TPTE2: variants seen among roughly 807,000 people sequenced by gnomAD.
The protein encoded by TPTE2 is transmembrane phosphoinositide 3-phosphatase and tensin homolog 2.
Under a neutral mutation model 78.6 loss-of-function variants are expected in TPTE2, and 53 were observed. That is an observed-to-expected ratio of 0.67 (90% CI 0.54 to 0.85). The LOEUF is 0.85. TPTE2 is among the 40% of genes least tolerant of loss of function. TPTE2 has a pLI of 0.00. For missense variants in TPTE2, 461 were observed against 623.0 expected (o/e 0.74, Z 2.77); for synonymous variants, 175 against 206.2 (o/e 0.85, Z 1.30).
chr13:19,473,155 C>A (rs1013391892), intron 6 of TPTE2, among the ~76,000 whole-genome samples: 1 of 152,208 alleles, frequency 6.6e-6, no homozygotes, highest in African/African-American at 2.4e-5. Flanking sequence ...TGGGTCAGAC[C>A]TGAGGCCAGC....
intron 10 of TPTE2, among the ~76,000 whole-genome samples, chr13:19,460,113 C>G (rs1878792650): frequency 6.6e-6 from 1 of 152,216 alleles, no homozygotes; most frequent in Non-Finnish European, 1.5e-5. Flanking sequence ...GTGTAAAACT[C>G]CTGGGTTTCT....
chr13:19,483,485 T>G (rs756538983), intron 3 of TPTE2, among the ~76,000 whole-genome samples: 2 of 152,152 alleles, frequency 1.3e-5, no homozygotes. Flanking sequence ...TTCTGTCATA[T>G]CTGTCATGAG....
chr13:19,541,294 A>G (rs1195096811), upstream of TPTE2, among the ~76,000 whole-genome samples: 4 of 152,236 alleles, frequency 2.6e-5, no homozygotes. Flanking sequence ...CTTTTGCCAT[A>G]TAACATGAAC....
intron 10 of TPTE2, among the ~76,000 whole-genome samples, chr13:19,458,218 A>C (rs1184341174): frequency 6.6e-6 from 1 of 152,200 alleles, no homozygotes; most frequent in Non-Finnish European, 1.5e-5. Flanking sequence ...ATATTCAAAA[A>C]CCAAACTTAT....
intron 14 of TPTE2, among the ~76,000 whole-genome samples, chr13:19,437,038 G>GAGACACACACAC (rs1555247890): frequency 6.9e-6 from 1 of 145,904 alleles, no homozygotes; most frequent in Non-Finnish European, 1.5e-5. Context: ...AAACCTAGGA[G>GAGACACACACAC]ACACACACAC....
At chr13:19,520,127 G>T (rs117137128) in intron 1 of TPTE2, among the ~76,000 whole-genome samples, 3,531 of 152,074 alleles carry the variant, frequency 0.023, 63 homozygotes, top group Middle Eastern at 0.085. Flanking sequence ...GCTCCAGCAG[G>T]TTTGTTGTTG....
chr13:19,478,049 G>A (rs58511229), intron 4 of TPTE2, among the ~76,000 whole-genome samples: 1 of 152,216 alleles, frequency 6.6e-6, no homozygotes, highest in Non-Finnish European at 1.5e-5. Context: ...AGAAAAGATG[G>A]TAAATAATAT....
At chr13:19,503,183 T>G in intron 1 of TPTE2, 41 bp downstream of exon 4, 1 of 1,612,918 alleles carries the variant, frequency 6.2e-7, no homozygotes, top group Non-Finnish European at 8.5e-7. Context: ...CTATGCTCAG[T>G]TATAATTAGA....
chr13:19,528,978 G>A (rs1446223828), intron 1 of TPTE2, among the ~76,000 whole-genome samples: 1 of 152,106 alleles, frequency 6.6e-6, no homozygotes, highest in Non-Finnish European at 1.5e-5. Flanking sequence ...AATTAGCCAG[G>A]TGTGGTGGCA....
intron 1 of TPTE2, among the ~76,000 whole-genome samples, chr13:19,533,099 G>A (rs1392911807): frequency 6.6e-6 from 1 of 152,156 alleles, no homozygotes; most frequent in Non-Finnish European, 1.5e-5. Flanking sequence ...GTACCACACA[G>A]ATGTTAGCCA....
At chr13:19,561,123 A>G in the TPTE2 span, 1 of 1,604,638 alleles carries the variant, frequency 6.2e-7, no homozygotes, top group Non-Finnish European at 8.5e-7. Flanking sequence ...CCTGGGAGGC[A>G]GTGGGTGGGA....
At chr13:19,446,372 T>A (rs1335717206) in intron 13 of TPTE2, among the ~76,000 whole-genome samples, 1 of 152,154 alleles carries the variant, frequency 6.6e-6, no homozygotes, top group Non-Finnish European at 1.5e-5. Context: ...TATAGAAACT[T>A]GGTATATTAC....
intron 10 of TPTE2, among the ~76,000 whole-genome samples, chr13:19,455,520 C>T (rs1878487478): frequency 6.6e-6 from 1 of 152,154 alleles, no homozygotes; most frequent in East Asian, 1.9e-4. Flanking sequence ...ACATACCCAT[C>T]ATATTCATCC....
chr13:19,502,801 T>C lies in TPTE2; in HGVS notation c.11+423A>G, dbSNP rs568281819. Reference sequence around the variant, plus strand: ...TACCCTAAAACTTAAAGTATAATTTTAAAAAATAAAAATAAAAATAAAAAT... The same window carrying C: ...TACCCTAAAACTTAAAGTATAATTTCAAAAAATAAAAATAAAAATAAAAAT... On this transcript the variant is annotated intron_variant, in intron 1 of 19. Coordinates refer to ENST00000400230, the Ensembl canonical transcript of TPTE2. Among the ~76,000 whole-genome samples the C allele has an allele frequency of 1.2e-4, 18 of 146,668 alleles. No individual in the cohort carries two copies. The South Asian group carries it at 3.8e-3, about 31-fold the overall frequency.
chr13:19,423,613 G>C (rs1484766471), intron 19 of TPTE2, among the ~76,000 whole-genome samples: 1 of 152,058 alleles, frequency 6.6e-6, no homozygotes, highest in Non-Finnish European at 1.5e-5. Flanking sequence ...TTCCAATAAT[G>C]GAACACTAGG....
At chr13:19,532,537 G>A (rs913699503) in intron 1 of TPTE2, among the ~76,000 whole-genome samples, 18 of 152,144 alleles carry the variant, frequency 1.2e-4, no homozygotes, top group South Asian at 4.1e-4. Context: ...ACTTCCTAGC[G>A]TCCAGACCTG....
At chr13:19,551,069 A>G in the TPTE2 span, among the ~76,000 whole-genome samples, 1 of 152,170 alleles carries the variant, frequency 6.6e-6, no homozygotes, top group Non-Finnish European at 1.5e-5. Context: ...TTTCCTTAAT[A>G]TCAGATATTT....
chr13:19,483,434 T>C lies in TPTE2; in HGVS notation c.120-887A>G, dbSNP rs1880474078. Among the ~76,000 whole-genome samples, 4 of 152,330 alleles carry C rather than the reference T, an allele frequency of 2.6e-5. No homozygotes were observed. The South Asian group carries it at 8.3e-4, about 32-fold the overall frequency. On this transcript the variant is annotated intron_variant, in intron 3 of 19. Transcript: ENST00000400230. ...CACTTCCTCTAGGTTTTCAAATTTATTGTAGAGTTGCTCATAATAGTCTCT... is the reference window on the plus strand; with the variant it reads ...CACTTCCTCTAGGTTTTCAAATTTACTGTAGAGTTGCTCATAATAGTCTCT...
At chr13:19,525,140 A>C (rs1324814018) in intron 1 of TPTE2, among the ~76,000 whole-genome samples, 2 of 152,156 alleles carry the variant, frequency 1.3e-5, no homozygotes, top group African/African-American at 4.8e-5. Context: ...GGCCTGAAAA[A>C]CCAGGGTGGT....
Sources: gnomAD v4.1 joint callset for allele counts (sites outside exome capture counted in the v4.1 genomes callset) on GRCh38, gnomAD v4.1.1 for gene constraint, MANE v1.5 for transcripts, NCBI Gene and HGNC (gene_info 2026-07-23, HGNC 2026-07-21) for gene names.